Variants in STXBP5L observed in about 807,000 individuals in gnomAD.
The protein encoded by STXBP5L is syntaxin-binding protein 5-like.
Under a neutral mutation model 144.5 loss-of-function variants are expected in STXBP5L, and 65 were observed. The ratio of observed to expected loss-of-function variants is 0.45; its 90% confidence interval spans 0.37 to 0.55. STXBP5L has a LOEUF of 0.55. Ranked by LOEUF, STXBP5L falls within the 20% of genes least tolerant of loss-of-function variation. STXBP5L has a pLI of 0.00. For synonymous variants in STXBP5L, 505 were observed against 469.6 expected (o/e 1.08, Z -0.97); for missense variants, 1,298 against 1,405.5 (o/e 0.92, Z 1.22).
At chr3:121,205,208 A>C (rs1298528885) in intron 9 of STXBP5L, among the ~76,000 whole-genome samples, 1 of 152,214 alleles carries the variant, frequency 6.6e-6, no homozygotes, top group Non-Finnish European at 1.5e-5. Flanking sequence ...CGCAATGTAT[A>C]AACAATAGAG....
At chr3:121,320,745 A>G (rs2043944381) in intron 20 of STXBP5L, among the ~76,000 whole-genome samples, 1 of 146,418 alleles carries the variant, frequency 6.8e-6, no homozygotes, top group Non-Finnish European at 1.5e-5. Context: ...TCTGTCACCC[A>G]GGCTGGAGTG....
chr3:121,200,760 G>A (rs917479906), intron 9 of STXBP5L, among the ~76,000 whole-genome samples: 1 of 152,164 alleles, frequency 6.6e-6, no homozygotes, highest in African/African-American at 2.4e-5. Flanking sequence ...TCATTCAGGA[G>A]CAGGTTACTC....
intron 5 of STXBP5L, among the ~76,000 whole-genome samples, chr3:121,082,250 A>G (rs368287058): frequency 7.9e-5 from 12 of 152,180 alleles, no homozygotes; most frequent in African/African-American, 2.2e-4. Context: ...ATTCATGAAC[A>G]TAGTATGTCT....
In STXBP5L at chr3:121,075,263, A is replaced by G. The variant is rs375549600; in HGVS notation, c.470+29728A>G. On this transcript the variant is annotated intron_variant, in intron 5 of 26. Coordinates refer to ENST00000471454, the MANE Select transcript of STXBP5L (RefSeq NM_001308330.2). ...AGTGTCCCATCTGCTTGCATTTCAC[A>G]CATTGATCTTTCTCAATCCTAGGTC... Among the ~76,000 whole-genome samples the G allele has an allele frequency of 3.3e-5, 5 of 151,894 alleles. No individual in the cohort carries two copies. The East Asian group carries it at 7.8e-4, about 24-fold the overall frequency.
At chr3:121,105,044 AT>A (rs1192839925) in intron 5 of STXBP5L, among the ~76,000 whole-genome samples, 2 of 152,184 alleles carry the variant, frequency 1.3e-5, no homozygotes, top group Non-Finnish European at 2.9e-5. Context: ...AAGAAAAAAA[AT>A]AAAAACAAAT....
chr3:121,346,790 G>C (rs573031564), intron 20 of STXBP5L, among the ~76,000 whole-genome samples: 1 of 152,280 alleles, frequency 6.6e-6, no homozygotes, highest in South Asian at 2.1e-4. Context: ...CCCACTTTTT[G>C]ATGGAGTTGT....
intron 3 of STXBP5L, among the ~76,000 whole-genome samples, chr3:121,004,990 A>G (rs1944151655): frequency 6.6e-6 from 1 of 152,146 alleles, no homozygotes; most frequent in Admixed American, 6.5e-5. Context: ...GATGTTCATC[A>G]GGGATGTTGG....
chr3:121,232,974 T>C (rs1441552527), intron 11 of STXBP5L, among the ~76,000 whole-genome samples: 1 of 152,134 alleles, frequency 6.6e-6, no homozygotes, highest in Non-Finnish European at 1.5e-5. Context: ...CTGTTCCTTG[T>C]TCTGGGCACT....
intron 3 of STXBP5L, among the ~76,000 whole-genome samples, chr3:121,028,514 G>A (rs1215375856): frequency 3.9e-5 from 6 of 152,072 alleles, no homozygotes; most frequent in Non-Finnish European, 7.4e-5. Flanking sequence ...CCACTGCTGT[G>A]TGTTCCCAGG....
intron 19 of STXBP5L, among the ~76,000 whole-genome samples, chr3:121,303,539 A>G (rs1426806030): frequency 1.3e-5 from 2 of 152,158 alleles, no homozygotes; most frequent in East Asian, 3.8e-4. Flanking sequence ...TATATACCCA[A>G]AGGATTATAA....
chr3:121,388,574 C>T (rs1280201976), intron 22 of STXBP5L, among the ~76,000 whole-genome samples: 1 of 152,070 alleles, frequency 6.6e-6, no homozygotes, highest in Non-Finnish European at 1.5e-5. Flanking sequence ...TCCATCAATA[C>T]CTAGTTTATT....
chr3:121,234,375 T>C (rs552585898), intron 12 of STXBP5L, among the ~76,000 whole-genome samples: 1 of 152,288 alleles, frequency 6.6e-6, no homozygotes, highest in Admixed American at 6.5e-5. Flanking sequence ...TATTAATATC[T>C]GTAAGATTCT....
intron 20 of STXBP5L, chr3:121,324,532 A>T: frequency 1.4e-6 from 1 of 699,066 alleles, no homozygotes; most frequent in South Asian, 1.5e-5. Flanking sequence ...CTAGGCTTTT[A>T]TAGGAATGAA....
intron 5 of STXBP5L, among the ~76,000 whole-genome samples, chr3:121,076,324 T>A (rs933234923): frequency 3.0e-4 from 45 of 152,206 alleles, no homozygotes; most frequent in African/African-American, 1.0e-3. Flanking sequence ...GTCTAAGCCT[T>A]GTCAGGGATG....
chr3:121,125,316 C>A (rs113446022), intron 7 of STXBP5L, among the ~76,000 whole-genome samples: 9 of 151,964 alleles, frequency 5.9e-5, no homozygotes, highest in African/African-American at 1.7e-4. Context: ...CAAAAACACA[C>A]AAAAAATTAG....
chr3:120,946,035 G>T (rs1710837940), intron 2 of STXBP5L, among the ~76,000 whole-genome samples: 1 of 151,736 alleles, frequency 6.6e-6, no homozygotes, highest in African/African-American at 2.4e-5. Context: ...AGAATCAAAA[G>T]CCATATTTAT....
chr3:121,362,149 C>T (rs527320726), intron 20 of STXBP5L, among the ~76,000 whole-genome samples: 1 of 152,278 alleles, frequency 6.6e-6, no homozygotes, highest in South Asian at 2.1e-4. Flanking sequence ...CAGAGTCTCT[C>T]TCTCTCTCTA....
chr3:121,363,751 G>C (rs894063778), intron 20 of STXBP5L, among the ~76,000 whole-genome samples: 34 of 152,058 alleles, frequency 2.2e-4, no homozygotes, highest in African/African-American at 7.7e-4. Flanking sequence ...TATGAAGGTG[G>C]GTTTTTTTTT....
intron 19 of STXBP5L, among the ~76,000 whole-genome samples, chr3:121,309,587 C>A (rs894168552): frequency 2.6e-5 from 4 of 151,864 alleles, no homozygotes; most frequent in African/African-American, 9.7e-5. Context: ...AAGAACTAGA[C>A]AGAAGATCAA....
Sources: gnomAD v4.1 joint callset for allele counts (sites outside exome capture counted in the v4.1 genomes callset) on GRCh38, gnomAD v4.1.1 for gene constraint, MANE v1.5 for transcripts, NCBI Gene and HGNC (gene_info 2026-07-23, HGNC 2026-07-21) for gene names.